The following TACR1 variants were observed in gnomAD, a reference collection of about 807,000 sequenced individuals.
TACR1 encodes tachykinin receptor 1.
In TACR1, 25 loss-of-function variants were observed where a neutral mutation model predicts 35.8. That is an observed-to-expected ratio of 0.70 (90% CI 0.51 to 0.98). TACR1 has a LOEUF of 0.98. TACR1 is among the 50% of genes least tolerant of loss of function. The pLI is 0.00. For synonymous variants in TACR1, 195 were observed against 206.7 expected, an observed-to-expected ratio of 0.94 and a Z score of 0.48; for missense variants, 478 against 522.9, an observed-to-expected ratio of 0.91 and a Z score of 0.84.
intron 2 of TACR1, 115 bp from the exon 3 acceptor site, chr2:75,053,870 A>G: frequency 7.1e-7 from 1 of 1,405,022 alleles, no homozygotes; most frequent in South Asian, 1.3e-5. Flanking sequence ...AGCATATGCC[A>G]TTAATAAGCT....
intron 2 of TACR1, among the ~76,000 whole-genome samples, chr2:75,068,206 G>A (rs920761289): frequency 2.1e-5 from 3 of 140,526 alleles, no homozygotes; most frequent in African/African-American, 8.7e-5. Flanking sequence ...AGGCTGGTAG[G>A]CTGGGAACTC....
chr2:75,070,180 A>G (rs1423213948), intron 2 of TACR1, among the ~76,000 whole-genome samples: 2 of 151,854 alleles, frequency 1.3e-5, no homozygotes, highest in East Asian at 3.9e-4. Flanking sequence ...TTTGGACATT[A>G]GAAGCCCATT....
chr2:75,176,144 G>T (rs1053338146), intron 1 of TACR1, among the ~76,000 whole-genome samples: 10 of 151,322 alleles, frequency 6.6e-5, no homozygotes, highest in African/African-American at 2.2e-4. Flanking sequence ...TCCTAATGTT[G>T]TGTGTCTGAT....
chr2:75,197,873 G>A (rs1676031332), intron 1 of TACR1, among the ~76,000 whole-genome samples: 1 of 152,142 alleles, frequency 6.6e-6, no homozygotes, highest in Admixed American at 6.5e-5. Flanking sequence ...TAGCATAACT[G>A]TCTCTCATTC....
chr2:75,092,340 C>A (rs1673327709), intron 2 of TACR1, among the ~76,000 whole-genome samples: 1 of 152,054 alleles, frequency 6.6e-6, no homozygotes, highest in Non-Finnish European at 1.5e-5. Flanking sequence ...AAACTCATGA[C>A]CCTTAATGCA....
At chr2:75,098,443 T>C (rs1372944102) in intron 2 of TACR1, among the ~76,000 whole-genome samples, 1 of 152,178 alleles carries the variant, frequency 6.6e-6, no homozygotes, top group Non-Finnish European at 1.5e-5. Flanking sequence ...AATTATCTTT[T>C]TTACCTTAAA....
chr2:75,187,789 A>T (rs976742367), intron 1 of TACR1: 1 of 152,174 alleles, frequency 6.6e-6, no homozygotes, highest in Non-Finnish European at 1.5e-5. Flanking sequence ...ACATTATTGG[A>T]GGGAAACCAA....
intron 2 of TACR1, among the ~76,000 whole-genome samples, chr2:75,075,413 C>T (rs757771246): frequency 6.6e-6 from 1 of 152,092 alleles, no homozygotes; most frequent in East Asian, 1.9e-4. Context: ...AAACATATGT[C>T]GGAGAGAAGC....
At chr2:75,185,119 G>A (rs527365991) in intron 1 of TACR1, among the ~76,000 whole-genome samples, 1 of 151,822 alleles carries the variant, frequency 6.6e-6, no homozygotes, top group Admixed American at 6.6e-5. Context: ...TTCATTGTAG[G>A]ACAAAAGTAA....
chr2:75,195,607 CT>C (rs1675950962), intron 1 of TACR1, among the ~76,000 whole-genome samples: 1 of 152,110 alleles, frequency 6.6e-6, no homozygotes. Flanking sequence ...GAAGATATAG[CT>C]TTTTAAAAAT....
chr2:75,177,237 T>A lies in TACR1; in HGVS notation c.389+21309A>T, dbSNP rs149844944. ...AGCCATTTCTTGACTCATTTATTGC[T>A]CATTCCCTCTCGTTCGTTGGACCTT... is the stretch of plus-strand genomic sequence containing the variant. On this transcript the variant is annotated intron_variant, in intron 1 of 4. Transcript: ENST00000305249. 1.2e-4 allele frequency among the ~76,000 whole-genome samples: 18 copies of A among 152,276 alleles called. No individual in the cohort carries two copies. In the East Asian group the frequency reaches 3.5e-3, roughly 29 times the overall value.
chr2:75,164,326 T>TA (rs35423094), intron 1 of TACR1, among the ~76,000 whole-genome samples: 79,287 of 137,858 alleles, frequency 0.58, 22,339 homozygotes, highest in African/African-American at 0.59. Flanking sequence ...GACTCCATCT[T>TA]AAAAAAAAAA....
intron 2 of TACR1, among the ~76,000 whole-genome samples, chr2:75,105,081 C>G (rs1379775423): frequency 6.6e-6 from 1 of 152,050 alleles, no homozygotes; most frequent in African/African-American, 2.4e-5. Context: ...AAGATATTTG[C>G]ACTTCCATGT....
chr2:75,048,969 G>A lies in TACR1; in HGVS notation c.*463C>T. ...TAGATGTTATGTGGTGCCTTCTTTT[G>A]TTCACCCTGTCAAGCGTAGGCTGGG... On this transcript the variant is annotated 3_prime_UTR_variant, in exon 5 of 5. Coordinates refer to ENST00000305249, the MANE Select transcript of TACR1 (RefSeq NM_001058.4). 1 of 158,364 alleles carries A rather than the reference G, an allele frequency of 6.3e-6. No homozygotes were observed. Among genetic ancestry groups the A allele is most frequent in the East Asian group, 1.9e-4 (1 of 5,378 alleles). 9.8% of individuals were successfully genotyped at this position (158,364 alleles called of 1,614,324 possible).
At chr2:75,183,586 G>A (rs1452142929) in intron 1 of TACR1, among the ~76,000 whole-genome samples, 3 of 152,110 alleles carry the variant, frequency 2.0e-5, no homozygotes, top group Admixed American at 6.5e-5. Context: ...CGTGTACTAC[G>A]GCAGGAAAAA....
intron 2 of TACR1, among the ~76,000 whole-genome samples, chr2:75,065,825 TTC>T (rs1672752602): frequency 6.6e-6 from 1 of 152,218 alleles, no homozygotes; most frequent in Non-Finnish European, 1.5e-5. Context: ...TATTTTACAC[TTC>T]CTCTCATCTC....
At chr2:75,117,615 A>G (rs150348171) in intron 2 of TACR1, among the ~76,000 whole-genome samples, 29 of 152,324 alleles carry the variant, frequency 1.9e-4, no homozygotes, top group African/African-American at 6.7e-4. Flanking sequence ...TCGACTTACA[A>G]TAGGGTTAGA....
chr2:75,069,028 C>G (rs1464155600), intron 2 of TACR1, among the ~76,000 whole-genome samples: 1 of 152,154 alleles, frequency 6.6e-6, no homozygotes, highest in African/African-American at 2.4e-5. Context: ...GTAATTGAAT[C>G]ATGGGGGTGA....
chr2:75,078,973 G>C (rs1185797331), intron 2 of TACR1, among the ~76,000 whole-genome samples: 1 of 152,098 alleles, frequency 6.6e-6, no homozygotes, highest in African/African-American at 2.4e-5. Context: ...TTCAGGTAAA[G>C]TAAACATACA....
Sources: gnomAD v4.1 joint callset for allele counts (sites outside exome capture counted in the v4.1 genomes callset) on GRCh38, gnomAD v4.1.1 for gene constraint, MANE v1.5 for transcripts, NCBI Gene and HGNC (gene_info 2026-07-23, HGNC 2026-07-21) for gene names.